Variants in CCSER1 observed in about 807,000 individuals in gnomAD.
The protein encoded by CCSER1 is coiled-coil serine rich protein 1, also known as serine-rich coiled-coil domain-containing protein 1.
In CCSER1, 41 loss-of-function variants were observed where a neutral mutation model predicts 82.0. The observed-to-expected ratio is 0.50, with a 90% CI of 0.39 to 0.65. The LOEUF is 0.65. Among genes scored for constraint, CCSER1 ranks in the 30% least tolerant of loss-of-function variants. The pLI is 0.00. For synonymous variants in CCSER1, 414 were observed against 383.9 expected (o/e 1.08, Z -0.92); for missense variants, 1,119 against 1,064.2 (o/e 1.05, Z -0.72).
intron 8 of CCSER1, among the ~76,000 whole-genome samples, chr4:90,861,710 A>G (rs543205815): frequency 1.3e-5 from 2 of 151,878 alleles, no homozygotes; most frequent in East Asian, 3.9e-4. Flanking sequence ...ATATCCAATA[A>G]TAATCACTTT....
intron 8 of CCSER1, among the ~76,000 whole-genome samples, chr4:90,840,560 A>C (rs1762451930): frequency 6.6e-6 from 1 of 152,248 alleles, no homozygotes; most frequent in African/African-American, 2.4e-5. Context: ...GCATTTCAGC[A>C]AATTCAGGAG....
intron 4 of CCSER1, among the ~76,000 whole-genome samples, chr4:90,427,673 C>T (rs530594129): frequency 2.3e-4 from 35 of 151,724 alleles, no homozygotes; most frequent in Middle Eastern, 3.4e-3. Context: ...ATTTCTTTAG[C>T]ACCTCTATGA....
chr4:91,179,388 G>A (rs1163271591), intron 10 of CCSER1, among the ~76,000 whole-genome samples: 2 of 152,212 alleles, frequency 1.3e-5, no homozygotes, highest in Non-Finnish European at 2.9e-5. Context: ...ATAATATCCT[G>A]AAGAGTGTTT....
At chr4:90,623,666 T>C (rs116076183) in intron 5 of CCSER1, among the ~76,000 whole-genome samples, 1,965 of 152,284 alleles carry the variant, frequency 0.013, 44 homozygotes, top group African/African-American at 0.045. Flanking sequence ...CTACACTTAC[T>C]ATAGAGGGAA....
rs558737681 is a variant in CCSER1 at position 90,209,769 on chromosome 4, G to GT, written c.-42+81953dup. ...AGCTCATTGTGTCTGTTTGTCTAGTGTTTTTTTTTTTTTTTAATTTTTCGG... is the reference window on the plus strand; with the variant it reads ...AGCTCATTGTGTCTGTTTGTCTAGTGTTTTTTTTTTTTTTTTAATTTTTCGG... On this transcript the variant is annotated intron_variant, in intron 1 of 10. Transcript: ENST00000509176. 4.1e-3 allele frequency among the ~76,000 whole-genome samples: 533 copies of GT among 128,976 alleles called. 1 individual carries two copies. The highest frequency in any genetic ancestry group is 0.018 in the East Asian group (81 of 4,400). The allele number at this position is 128,976 out of a possible 152,430, so 84.6% of individuals were successfully genotyped here.
chr4:90,483,324 C>T (rs548013465), intron 5 of CCSER1, among the ~76,000 whole-genome samples: 2 of 152,276 alleles, frequency 1.3e-5, no homozygotes, highest in South Asian at 4.1e-4. Context: ...GACTCTTTAT[C>T]CAATTTGCCA....
intron 5 of CCSER1, among the ~76,000 whole-genome samples, chr4:90,627,492 T>C (rs1723510311): frequency 6.6e-6 from 1 of 152,038 alleles, no homozygotes; most frequent in African/African-American, 2.4e-5. Context: ...CCCTAAACTG[T>C]TTTTATAAAT....
At chr4:90,218,006 G>A (rs1474828194) in intron 1 of CCSER1, among the ~76,000 whole-genome samples, 1 of 151,916 alleles carries the variant, frequency 6.6e-6, no homozygotes, top group Non-Finnish European at 1.5e-5. Flanking sequence ...TTACTATGTT[G>A]CCCAAGCTGG....
intron 8 of CCSER1, among the ~76,000 whole-genome samples, chr4:90,887,918 T>C (rs1317830283): frequency 1.3e-5 from 2 of 151,836 alleles, no homozygotes; most frequent in Non-Finnish European, 2.9e-5. Context: ...AAAAACACAA[T>C]AATTAGAAAT....
chr4:91,451,134 C>T (rs912713065), intron 10 of CCSER1, among the ~76,000 whole-genome samples: 1 of 151,962 alleles, frequency 6.6e-6, no homozygotes, highest in Non-Finnish European at 1.5e-5. Flanking sequence ...AAAAGGGGAA[C>T]CCCAGCTTGT....
At chr4:90,736,681 G>A (rs1228072610) in intron 7 of CCSER1, among the ~76,000 whole-genome samples, 1 of 151,866 alleles carries the variant, frequency 6.6e-6, no homozygotes, top group African/African-American at 2.4e-5. Context: ...CAATTGGAGA[G>A]TTTATTTCAT....
chr4:90,341,190 A>G (rs1437401848), intron 3 of CCSER1, among the ~76,000 whole-genome samples: 3 of 152,096 alleles, frequency 2.0e-5, no homozygotes, highest in Admixed American at 6.6e-5. Flanking sequence ...TTCCTCATAG[A>G]TAAATTTTTA....
intron 6 of CCSER1, among the ~76,000 whole-genome samples, chr4:90,700,904 C>T (rs1416843011): frequency 1.3e-5 from 2 of 152,022 alleles, no homozygotes; most frequent in East Asian, 1.9e-4. Context: ...GATGAGTAGA[C>T]TGCAAAAATT....
chr4:91,078,298 A>G (rs995278538), intron 9 of CCSER1, among the ~76,000 whole-genome samples: 3 of 152,134 alleles, frequency 2.0e-5, no homozygotes, highest in African/African-American at 7.2e-5. Context: ...TCCGCAGGTG[A>G]TACCCAGGCA....
intron 10 of CCSER1, among the ~76,000 whole-genome samples, chr4:91,333,262 C>T (rs1238317231): frequency 6.6e-6 from 1 of 151,984 alleles, no homozygotes; most frequent in East Asian, 1.9e-4. Context: ...GTGTATCAGA[C>T]AAAATGACTT....
At chr4:90,735,060 T>C (rs1268961318) in intron 7 of CCSER1, among the ~76,000 whole-genome samples, 2 of 152,080 alleles carry the variant, frequency 1.3e-5, no homozygotes, top group African/African-American at 2.4e-5. Flanking sequence ...CAAATGCTTT[T>C]TCAGCATCTA....
At chr4:90,973,442 CA>C (rs1735308130) in intron 9 of CCSER1, among the ~76,000 whole-genome samples, 1 of 151,570 alleles carries the variant, frequency 6.6e-6, no homozygotes. Context: ...CAGGAAAATA[CA>C]ATCATAAGTA....
intron 9 of CCSER1, among the ~76,000 whole-genome samples, chr4:90,952,273 A>G (rs955047621): frequency 3.3e-5 from 5 of 152,140 alleles, no homozygotes; most frequent in African/African-American, 1.2e-4. Flanking sequence ...TTTTGTTACC[A>G]TCTTTAGAGC....
In CCSER1 at chr4:91,218,606, A is replaced by C. The variant is rs550983106; in HGVS notation, c.2217+132612A>C. 3.3e-5 allele frequency among the ~76,000 whole-genome samples: 5 copies of C among 152,306 alleles called. No homozygotes were observed. In the South Asian group the frequency reaches 1.0e-3, roughly 32 times the overall value. On this transcript the variant is annotated intron_variant, in intron 10 of 10. Transcript: ENST00000509176. ...TTAGAACTTAATGATACATAACACT[A>C]GTGTACTTTGAGGAAATTTCATTGA...
Sources: allele counts gnomAD v4.1 joint callset (sites outside exome capture counted in the v4.1 genomes callset), GRCh38; gene constraint gnomAD v4.1.1; transcripts MANE v1.5; gene names NCBI Gene and HGNC (gene_info 2026-07-23, HGNC 2026-07-21).